The following BEND7 variants were observed in gnomAD, a reference collection of about 807,000 sequenced individuals.
BEND7 encodes BEN domain containing 7.
A neutral mutation model predicts 50.9 loss-of-function variants in BEND7; 28 were observed. The ratio of observed to expected loss-of-function variants is 0.55; its 90% CI spans 0.41 to 0.75. The LOEUF (loss-of-function observed/expected upper bound fraction) is 0.75, where lower values mean the gene tolerates loss of function less well. Ranked by LOEUF, BEND7 falls within the 30% of genes least tolerant of loss-of-function variation. The pLI is 0.00. For missense variants in BEND7, 477 were observed against 491.3 expected, an observed-to-expected ratio of 0.97 and a Z score of 0.28; for synonymous variants, 170 against 183.9, an observed-to-expected ratio of 0.92 and a Z score of 0.61.
At chr10:13,470,315 A>G (rs1179593508) in intron 6 of BEND7, among the ~76,000 whole-genome samples, 3 of 152,262 alleles carry the variant, frequency 2.0e-5, no homozygotes, top group Non-Finnish European at 4.4e-5. Flanking sequence ...ACAAATCGAC[A>G]GTGTCCACAA....
rs117700323 is a variant in BEND7, at chr10:13,503,916, C to A, written c.146-3836G>T. On this transcript the variant is annotated intron_variant, in intron 2 of 8. Transcript: ENST00000466271. ...GGTCTCTGGGGTTTACTGAGTCACA[C>A]TCTCTTCACCCAAAGCAGCAGAAGC... Among the ~76,000 whole-genome samples the A allele has an allele frequency of 3.6e-4, 55 of 152,308 alleles. 3 individuals are homozygous for A. The East Asian group carries it at 9.8e-3, about 27-fold the overall frequency.
Position 13,485,179 on chromosome 10 carries a change from C to A in BEND7, c.838-4055G>T, listed in dbSNP as rs965535212. Among the ~76,000 whole-genome samples, 11 of 152,106 alleles carry A rather than the reference C, an allele frequency of 7.2e-5. No homozygotes were observed. In the East Asian group the frequency reaches 1.7e-3, roughly 24 times the overall value. ...ATAATCGAAAGAATACAAAGTAAGA[C>A]AATTTTTAGGAGATCATGCTAGTTA... On this transcript the variant is annotated intron_variant, in intron 5 of 8. Transcript: ENST00000466271.
chr10:13,460,413 A>C (rs1588700000), intron 6 of BEND7, among the ~76,000 whole-genome samples: 1 of 152,212 alleles, frequency 6.6e-6, no homozygotes, highest in Non-Finnish European at 1.5e-5. Flanking sequence ...CATTTTAAAC[A>C]GGTTGGAGTA....
Position 13,441,220 on chromosome 10 carries a change from T to G in BEND7, c.*523A>C. ...TTGAATTCTTTTTTAAAGAACATAGTAATTTTAAAAAATCTAAATATTTAC... is the reference window on the plus strand; with the variant it reads ...TTGAATTCTTTTTTAAAGAACATAGGAATTTTAAAAAATCTAAATATTTAC... On this transcript the variant is annotated 3_prime_UTR_variant, in exon 9 of 9. Coordinates refer to ENST00000466271, the MANE Select transcript of BEND7 (RefSeq NM_001369863.1). The G allele has an allele frequency of 1.1e-6, 1 of 921,944 alleles. No homozygotes were observed. Among genetic ancestry groups the G allele is most frequent in the Non-Finnish European group, 1.3e-6 (1 of 772,302 alleles). 57.1% of individuals were successfully genotyped at this position (921,944 alleles called of 1,614,324 possible).
At chr10:13,459,033 T>A (rs992341414) in intron 6 of BEND7, among the ~76,000 whole-genome samples, 3 of 152,212 alleles carry the variant, frequency 2.0e-5, no homozygotes, top group Non-Finnish European at 2.9e-5. Flanking sequence ...AGACTGCACA[T>A]CTAACAGGAG....
intron 6 of BEND7, among the ~76,000 whole-genome samples, chr10:13,474,122 C>T (rs955076601): frequency 1.3e-4 from 19 of 151,344 alleles, no homozygotes; most frequent in Admixed American, 1.1e-3. Context: ...GACTCAGGGC[C>T]GATATCCATC....
chr10:13,447,398 A>G, intron 7 of BEND7, 82 bp from the exon 8 acceptor site: 1 of 1,436,156 alleles, frequency 7.0e-7, no homozygotes, highest in Non-Finnish European at 9.8e-7. Flanking sequence ...ATGTAATTTT[A>G]AAAACTCCAG....
intron 6 of BEND7, among the ~76,000 whole-genome samples, chr10:13,466,594 C>T (rs2074273198): frequency 6.6e-6 from 1 of 151,892 alleles, no homozygotes; most frequent in Non-Finnish European, 1.5e-5. Context: ...AGAAATTCTA[C>T]TTGGAAGGTG....
chr10:13,504,890 C>T (rs1271006560), intron 2 of BEND7, among the ~76,000 whole-genome samples: 7 of 152,310 alleles, frequency 4.6e-5, no homozygotes, highest in Non-Finnish European at 5.9e-5. Context: ...TACTAGATCA[C>T]GTTCCTTTAC....
downstream of BEND7, among the ~76,000 whole-genome samples, chr10:13,439,966 C>G (rs182819775): frequency 3.5e-3 from 538 of 152,308 alleles, 9 homozygotes; most frequent in Admixed American, 0.03. Flanking sequence ...CCCTAAACAC[C>G]CACAGTGTCT....
At chr10:13,519,976 T>G (rs535971450) in intron 2 of BEND7, among the ~76,000 whole-genome samples, 57 of 151,862 alleles carry the variant, frequency 3.8e-4, no homozygotes, top group African/African-American at 1.4e-3. Flanking sequence ...TCAGTGAGGG[T>G]GAAGAGCAAG....
At chr10:13,462,528 T>C (rs1425436497) in intron 6 of BEND7, among the ~76,000 whole-genome samples, 3 of 152,044 alleles carry the variant, frequency 2.0e-5, no homozygotes, top group Non-Finnish European at 2.9e-5. Context: ...CCAAACCATA[T>C]CACAACTGAA....
At chr10:13,516,435 T>C (rs2078675377) in intron 2 of BEND7, among the ~76,000 whole-genome samples, 1 of 152,164 alleles carries the variant, frequency 6.6e-6, no homozygotes, top group South Asian at 2.1e-4. Flanking sequence ...CCTATTAAAA[T>C]AGAAAACAGG....
intron 5 of BEND7, among the ~76,000 whole-genome samples, chr10:13,488,214 AACT>A (rs1349862323): frequency 1.3e-5 from 2 of 152,092 alleles, no homozygotes; most frequent in Non-Finnish European, 2.9e-5. Context: ...TATTTATAGT[AACT>A]ACAACAGATA....
intron 1 of BEND7, chr10:13,527,977 G>T: frequency 3.3e-6 from 1 of 301,334 alleles, no homozygotes; most frequent in Non-Finnish European, 4.9e-6. Flanking sequence ...AGCTAGAGAT[G>T]TTGGATGTCA....
At chr10:13,439,753 C>G (rs11258383), downstream of BEND7, among the ~76,000 whole-genome samples, 47,800 of 152,108 alleles carry the variant, frequency 0.31, 8,939 homozygotes, top group East Asian at 0.67. Flanking sequence ...TCAGCCCGCC[C>G]CCTCCTGCGA....
chr10:13,511,356 T>C (rs1490398827), intron 2 of BEND7: 1 of 152,200 alleles, frequency 6.6e-6, no homozygotes, highest in African/African-American at 2.4e-5. Context: ...TTATAAATTG[T>C]TTAAAAAATG....
rs192581037 is a variant in BEND7 at position 13,447,254 on chromosome 10, C to A, written c.1234+12G>T. On this transcript the variant is annotated intron_variant, in intron 8 of 8. Coordinates refer to ENST00000466271, the MANE Select transcript of BEND7 (RefSeq NM_001369863.1). Reference sequence around the variant, plus strand: ...CCAGGAGGTGATGAAAATGTAAATGCGTTTTATTTACCTGTTGGTGGTAGA... The same window carrying A: ...CCAGGAGGTGATGAAAATGTAAATGAGTTTTATTTACCTGTTGGTGGTAGA... The A allele has an allele frequency of 9.5e-5, 154 of 1,613,322 alleles. No homozygotes were observed. Among genetic ancestry groups the A allele is most frequent in the Admixed American group, 3.8e-4 (23 of 59,956 alleles).
At chr10:13,500,409 G>T in intron 2 of BEND7, 2 of 677,516 alleles carry the variant, frequency 3.0e-6, no homozygotes, top group Non-Finnish European at 3.9e-6. Flanking sequence ...AACAGGCTGA[G>T]ACAGAAGGTC....
Sources: allele counts gnomAD v4.1 joint callset (sites outside exome capture counted in the v4.1 genomes callset), GRCh38; gene constraint gnomAD v4.1.1; transcripts MANE v1.5; gene names NCBI Gene and HGNC (gene_info 2026-07-23, HGNC 2026-07-21).